Variants in CD101 observed in about 807,000 individuals in gnomAD.
CD101 encodes the protein CD101 molecule.
A neutral mutation model predicts 98.2 loss-of-function variants in CD101; 76 were observed. That is an observed-to-expected ratio of 0.77 (90% CI 0.64 to 0.94). CD101 has a LOEUF of 0.94. Among genes scored for constraint, CD101 ranks in the 40% least tolerant of loss-of-function variants. The pLI is 0.00. For synonymous variants in CD101, 471 were observed against 472.7 expected (o/e 1.00, Z 0.05); for missense variants, 1,145 against 1,218.8 (o/e 0.94, Z 0.90).
Position 117,025,616 on chromosome 1 carries a change from T to G in CD101, c.2536T>G (p.Tyr846Asp). The change falls in exon 8 of 10, where the codon TAC (tyrosine) becomes GAC (aspartate). Residue 846 changes from tyrosine to aspartate, a missense_variant. Coordinates refer to ENST00000682167, the MANE Select transcript of CD101 (RefSeq NM_001256106.3). ...GAGTGTAGGCAGCTCAGCCACTCTG[T>G]ACTCTGTGATGTGGTACTGGAACAG... Reference protein sequence around the residue: ...LESVGSSATLYSVMWYWNREN... With the variant: ...LESVGSSATLDSVMWYWNREN... 1 of 1,614,132 alleles carries G rather than the reference T, an allele frequency of 6.2e-7. No homozygotes were observed. The highest frequency in any genetic ancestry group is 2.2e-5 in the East Asian group (1 of 44,882).
At chr1:117,001,900 G>A in intron 1 of CD101, 40 bp downstream of exon 1, 1 of 1,597,512 alleles carries the variant, frequency 6.3e-7, no homozygotes, top group Non-Finnish European at 8.6e-7. Flanking sequence ...TGTCACAGGA[G>A]TTCATCAACT....
rs1570733247 is a variant in CD101 at position 117,022,073 on chromosome 1, G to T, written c.2428+90G>T. On this transcript the variant is annotated intron_variant, in intron 7 of 9. Transcript: ENST00000682167. The surrounding 1 kb of genome is among the most constrained non-coding windows in gnomAD (Gnocchi z 4.8). ...TGTTCTATGGAGTGATTATGTGGAA[G>T]TAAAAATATGACCTAAAGTCATAGG... The T allele has an allele frequency of 1.4e-6, 2 of 1,381,972 alleles. No individual in the cohort carries two copies. Among genetic ancestry groups the T allele is most frequent in the East Asian group, 2.3e-5 (1 of 43,596 alleles). 85.6% of individuals were successfully genotyped at this position (1,381,972 alleles called of 1,614,324 possible). A position where few individuals can be genotyped will look rare whatever the true frequency, so the allele number is the denominator to read the frequency against.
chr1:117,031,634 T>C (rs1201299526), intron 8 of CD101, among the ~76,000 whole-genome samples: 1 of 152,242 alleles, frequency 6.6e-6, no homozygotes, highest in Non-Finnish European at 1.5e-5. Flanking sequence ...CCTGTGATTT[T>C]CTTAGCTTTC....
chr1:117,014,177 C>T lies in CD101; in HGVS notation c.1228+385C>T, dbSNP rs182481428. On this transcript the variant is annotated intron_variant, in intron 4 of 9. Transcript: ENST00000682167. ...AGAGAACATGTGTATTAATGAAGCC[C>T]TCTGCCTTTGTGTGTGTGTGTGTGT... Among the ~76,000 whole-genome samples the T allele has an allele frequency of 4.8e-3, 649 of 133,870 alleles. 33 individuals carry two copies. In the East Asian group the frequency reaches 0.12, roughly 25 times the overall value. The allele number at this position is 133,870 out of a possible 152,430, so 87.8% of individuals were successfully genotyped here.
intron 8 of CD101, among the ~76,000 whole-genome samples, chr1:117,027,274 ATAAC>A (rs1486622886): frequency 6.6e-6 from 1 of 152,232 alleles, no homozygotes; most frequent in African/African-American, 2.4e-5. Context: ...TGTTTAATAA[ATAAC>A]TATATCAGGT....
rs1465038453 is a variant in CD101 at position 117,013,605 on chromosome 1, A to G, written c.1041A>G (p.Gln347=). The change falls in exon 4 of 10, where the codon CAA becomes CAG. Residue 347 remains glutamine, a synonymous_variant. Transcript: ENST00000682167. The part of the protein sequence containing the change: ...LKNDYKERAS[Q]GELQVSKLGP... The stretch of plus-strand genomic sequence containing the variant: ...ATGACTACAAAGAGAGAGCAAGTCA[A>G]GGAGAGCTCCAGGTTTCAAAGTTAG... The G allele has an allele frequency of 6.2e-7, 1 of 1,614,198 alleles. No homozygotes were observed. The highest frequency in any genetic ancestry group is 8.5e-7 in the Non-Finnish European group (1 of 1,180,036).
intron 6 of CD101, among the ~76,000 whole-genome samples, chr1:117,020,788 AAT>A (rs1371859361): frequency 7.2e-5 from 11 of 152,220 alleles, no homozygotes. Context: ...TCTGGCACAT[AAT>A]ATAGTGTGTG....
rs1298449069 is a variant in CD101, at chr1:117,019,129, G to GT, written c.2017+570dup. ...GATACTACCTAGGCAAAGTTCTGCT[G>GT]TGTCATGTATCTTCTCTCTTATAGT... On this transcript the variant is annotated intron_variant, in intron 6 of 9. Transcript: ENST00000682167. The surrounding 1 kb of genome is among the most constrained non-coding windows in gnomAD (Gnocchi z 4.3). 6.6e-6 allele frequency among the ~76,000 whole-genome samples: 1 copy of GT among 152,224 alleles called. No homozygotes were observed.
In CD101 at chr1:117,004,063, C is replaced by A. The variant is rs988342029; in HGVS notation, c.43+2203C>A. 2.6e-5 allele frequency among the ~76,000 whole-genome samples: 4 copies of A among 152,078 alleles called. No homozygotes were observed. The East Asian group carries it at 7.7e-4, about 29-fold the overall frequency. ...GATTAATGTCATGGGTAAATGAGTT[C>A]TCGGATTTAGCAGTTAGCTTTGTCT... On this transcript the variant is annotated intron_variant, in intron 1 of 9. Coordinates refer to ENST00000682167, the MANE Select transcript of CD101 (RefSeq NM_001256106.3). The surrounding 1 kb of genome is among the most constrained non-coding windows in gnomAD (Gnocchi z 4.1).
chr1:117,026,035 C>G, intron 8 of CD101, 131 bp downstream of exon 8: 1 of 981,474 alleles, frequency 1.0e-6, no homozygotes, highest in South Asian at 1.8e-5. Flanking sequence ...TTTCAGGTTC[C>G]CTAAAGAAGA....
chr1:117,031,510 A>G (rs1045442262), intron 8 of CD101, among the ~76,000 whole-genome samples: 10 of 152,136 alleles, frequency 6.6e-5, no homozygotes, highest in African/African-American at 2.4e-4. Flanking sequence ...GGGGGACTAG[A>G]GATGTAAGGG....
At chr1:117,030,545 G>T (rs908597283) in intron 8 of CD101, among the ~76,000 whole-genome samples, 2 of 152,198 alleles carry the variant, frequency 1.3e-5, no homozygotes, top group Non-Finnish European at 2.9e-5. Flanking sequence ...AAGGAGCTGT[G>T]TGTCTTTACC....
Position 117,021,226 on chromosome 1 carries a change from T to C in CD101, c.2018-347T>C, listed in dbSNP as rs1653563056. ...GTGCTTAAATACCGAAGCAGTATCA[T>C]GTGGAAGAGAGATACTGGGCTTGTC... is the stretch of plus-strand genomic sequence containing the variant. On this transcript the variant is annotated intron_variant, in intron 6 of 9. Coordinates refer to ENST00000682167, the MANE Select transcript of CD101 (RefSeq NM_001256106.3). The surrounding 1 kb of genome is among the most constrained non-coding windows in gnomAD (Gnocchi z 4.7). Among the ~76,000 whole-genome samples, 2 of 152,206 alleles carry C rather than the reference T, an allele frequency of 1.3e-5. No individual in the cohort carries two copies. The highest frequency in any genetic ancestry group is 1.3e-4 in the Admixed American group (2 of 15,288).
At chr1:117,007,226 T>A (rs1652588805) in intron 1 of CD101, among the ~76,000 whole-genome samples, 1 of 152,118 alleles carries the variant, frequency 6.6e-6, no homozygotes, top group Admixed American at 6.6e-5. Flanking sequence ...CTGTATAATG[T>A]CTACCCAGGT....
intron 8 of CD101, 26 bp downstream of exon 8, chr1:117,025,930 G>A (rs776878241): frequency 1.5e-5 from 24 of 1,580,700 alleles, no homozygotes; most frequent in Middle Eastern, 1.7e-4. Flanking sequence ...TCTACCGCGA[G>A]CTCATGGTCA....
At chr1:117,026,002 A>G (rs1653899897) in intron 8 of CD101, 98 bp downstream of exon 8, 8 of 1,339,850 alleles carry the variant, frequency 6.0e-6, no homozygotes, top group Non-Finnish European at 7.1e-6. Context: ...CCTTCTGAAG[A>G]CAATTTTCAG....
At chr1:117,035,875 AC>A (rs1394602346) in intron 9 of CD101, among the ~76,000 whole-genome samples, 1 of 151,930 alleles carries the variant, frequency 6.6e-6, no homozygotes, top group East Asian at 1.9e-4. Context: ...AAGTGTGATG[AC>A]CCCCTGCCCC....
In CD101 at chr1:117,025,680, A is replaced by C; in HGVS notation, c.2600A>C (p.His867Pro). Reference sequence around the variant, plus strand: ...AGTAAATTGCTGGTGCACTTGCAACATGATGGCTTGCTGGAGTATGGGGAA... The same window carrying C: ...AGTAAATTGCTGGTGCACTTGCAACCTGATGGCTTGCTGGAGTATGGGGAA... ...SGSKLLVHLQ[H>P]DGLLEYGEEG... The change falls in exon 8 of 10, where the codon CAT becomes CCT. Residue 867 changes from histidine (H) to proline (P), a missense_variant. His to Pro is a moderately conservative substitution (Grantham distance 77). Coordinates refer to ENST00000682167, the MANE Select transcript of CD101 (RefSeq NM_001256106.3). 1.2e-6 allele frequency: 2 copies of C among 1,614,218 alleles called. No individual in the cohort carries two copies. Among genetic ancestry groups the C allele is most frequent in the Non-Finnish European group, 1.7e-6 (2 of 1,180,044 alleles).
chr1:117,029,213 A>AAAAAGAAAG (rs1553188333), intron 8 of CD101, among the ~76,000 whole-genome samples: 2 of 71,758 alleles, frequency 2.8e-5, no homozygotes, highest in African/African-American at 5.4e-5. Flanking sequence ...GAAAAGAAAG[A>AAAAAGAAAG]AAAGAAAGAA....
Sources: allele counts gnomAD v4.1 joint callset (sites outside exome capture counted in the v4.1 genomes callset), GRCh38; gene constraint gnomAD v4.1.1; non-coding constraint Gnocchi (gnomAD v3.1); transcripts MANE v1.5; gene names NCBI Gene and HGNC (gene_info 2026-07-23, HGNC 2026-07-21).